Variants in GLIS3 observed in about 807,000 individuals in gnomAD.
GLIS3 encodes GLIS family zinc finger 3.
Under a neutral mutation model 78.6 loss-of-function variants are expected in GLIS3, and 53 were observed. The observed-to-expected ratio is 0.67, with a 90% confidence interval of 0.54 to 0.85. GLIS3 has a LOEUF of 0.85. GLIS3 is among the 40% of genes least tolerant of loss of function. The pLI, the probability that GLIS3 is intolerant of heterozygous loss-of-function variation, is 0.00. For synonymous variants in GLIS3, 684 were observed against 509.9 expected (o/e 1.34, Z -4.60); for missense variants, 1,703 against 1,231.1 (o/e 1.38, Z -5.74).
chr9:4,075,411 CAAAA>C (rs59194808), intron 4 of GLIS3, among the ~76,000 whole-genome samples: 1 of 118,192 alleles, frequency 8.5e-6, no homozygotes, highest in Non-Finnish European at 1.7e-5. Flanking sequence ...ACTAAAAATA[CAAAA>C]AAAAAAAAAA....
chr9:4,156,811 T>C (rs906808844), intron 2 of GLIS3, among the ~76,000 whole-genome samples: 2 of 152,012 alleles, frequency 1.3e-5, no homozygotes, highest in East Asian at 1.9e-4. Flanking sequence ...GGGTATATGA[T>C]AAGAGTGTCT....
At chr9:4,413,043 TTGTC>T in the GLIS3 span, among the ~76,000 whole-genome samples, 1 of 152,196 alleles carries the variant, frequency 6.6e-6, no homozygotes, top group South Asian at 2.1e-4. Context: ...GATTTAGAGT[TTGTC>T]TGTTTCAACA....
intron 2 of GLIS3, among the ~76,000 whole-genome samples, chr9:4,253,228 C>T (rs1410356860): frequency 6.6e-6 from 1 of 152,238 alleles, no homozygotes; most frequent in Non-Finnish European, 1.5e-5. Flanking sequence ...CCCCTTTCCC[C>T]AGGTGCTCTG....
In GLIS3 at chr9:3,824,929, A is replaced by T. The variant is rs544757217; in HGVS notation, c.*3343T>A. ...TTTGCTTCATCTGTTGCAAAAAAAAAAAAAAATAATAACCGCAGAAATTCC... is the reference window on the plus strand; with the variant it reads ...TTTGCTTCATCTGTTGCAAAAAAAATAAAAAATAATAACCGCAGAAATTCC... On this transcript the variant is annotated 3_prime_UTR_variant, in exon 11 of 11. Coordinates refer to ENST00000381971, the MANE Select transcript of GLIS3 (RefSeq NM_001042413.2). The T allele has an allele frequency of 1.7e-3, 182 of 107,686 alleles. No individual in the cohort carries two copies. The highest frequency in any genetic ancestry group is 2.6e-3 in the Non-Finnish European group (124 of 47,932). The allele number at this position is 107,686 out of a possible 1,614,324, so 6.7% of individuals were successfully genotyped here.
chr9:3,856,542 C>T (rs12006096), intron 8 of GLIS3, among the ~76,000 whole-genome samples: 3,489 of 152,252 alleles, frequency 0.023, 159 homozygotes, highest in African/African-American at 0.081. Context: ...AATCTATTTG[C>T]ATTTAAGGGG....
At chr9:3,863,487 A>G (rs1037520823) in intron 8 of GLIS3, among the ~76,000 whole-genome samples, 2 of 152,220 alleles carry the variant, frequency 1.3e-5, no homozygotes, top group African/African-American at 4.8e-5. Context: ...TCTGTCCCCA[A>G]ATAGTCCAAG....
At chr9:4,245,766 G>A (rs1193167422) in intron 2 of GLIS3, among the ~76,000 whole-genome samples, 4 of 152,110 alleles carry the variant, frequency 2.6e-5, no homozygotes, top group Non-Finnish European at 2.9e-5. Context: ...CCATAAATAT[G>A]TAGTTACTAT....
At chr9:3,867,987 G>A (rs1820711702) in intron 8 of GLIS3, among the ~76,000 whole-genome samples, 1 of 152,142 alleles carries the variant, frequency 6.6e-6, no homozygotes, top group South Asian at 2.1e-4. Context: ...CCCCAGAGGG[G>A]ACACTACCAG....
chr9:4,246,368 G>C (rs1396492037), intron 2 of GLIS3, among the ~76,000 whole-genome samples: 2 of 152,228 alleles, frequency 1.3e-5, no homozygotes, highest in Non-Finnish European at 2.9e-5. Flanking sequence ...CCCAGAGGAA[G>C]AAACAGGCCA....
At chr9:4,412,552 G>C in the GLIS3 span, among the ~76,000 whole-genome samples, 1 of 152,164 alleles carries the variant, frequency 6.6e-6, no homozygotes, top group African/African-American at 2.4e-5. Context: ...ATGGATTTCA[G>C]CTTATTCACT....
At chr9:4,422,920 C>G in the GLIS3 span, among the ~76,000 whole-genome samples, 3 of 152,194 alleles carry the variant, frequency 2.0e-5, no homozygotes, top group East Asian at 5.8e-4. Context: ...ACCCAGACTT[C>G]TTAAACAGTG....
chr9:4,185,815 T>C (rs77683525), intron 2 of GLIS3, among the ~76,000 whole-genome samples: 3,786 of 152,088 alleles, frequency 0.025, 170 homozygotes, highest in African/African-American at 0.082. Flanking sequence ...ATTTGGCCTC[T>C]TGCAAGAGTT....
At chr9:4,103,079 A>C (rs758868862) in intron 4 of GLIS3, among the ~76,000 whole-genome samples, 16 of 152,214 alleles carry the variant, frequency 1.1e-4, no homozygotes, top group Non-Finnish European at 2.1e-4. Flanking sequence ...ATTGCCATAG[A>C]CATGAACATC....
intron 2 of GLIS3, among the ~76,000 whole-genome samples, chr9:4,279,229 C>A (rs1411274630): frequency 6.9e-6 from 1 of 144,470 alleles, no homozygotes; most frequent in Middle Eastern, 3.4e-3. Flanking sequence ...ACCCAGGAGG[C>A]AGAGGTTGCA....
chr9:4,118,854 C>A lies in GLIS3; in HGVS notation c.624G>T (p.Ala208=). ...TRSLISRESL[A]STTLSLTESQ... is the part of the protein sequence containing the mutation. The stretch of plus-strand genomic sequence containing the variant: ...TTTCCGTCAGACTCAAGGTCGTGGA[C>A]GCCAAAGACTCACGCGAAATAAGGG... Residue 208 remains alanine, a synonymous_variant, in exon 4 of 11, where the codon GCG becomes GCT. Transcript: ENST00000381971. This position sits in a 1 kb window ranked among gnomAD's most constrained non-coding sequence, Gnocchi z 4.7. The A allele has an allele frequency of 1.9e-6, 3 of 1,602,278 alleles. No homozygotes were observed. Among genetic ancestry groups the A allele is most frequent in the East Asian group, 2.2e-5 (1 of 44,850 alleles).
the GLIS3 span, among the ~76,000 whole-genome samples, chr9:4,358,724 G>C: frequency 5.9e-5 from 9 of 152,160 alleles, no homozygotes; most frequent in Admixed American, 2.6e-4. Context: ...GTGTATGTGT[G>C]CACATATGTG....
chr9:4,024,374 T>C (rs1005521272), intron 4 of GLIS3, among the ~76,000 whole-genome samples: 5 of 152,186 alleles, frequency 3.3e-5, no homozygotes, highest in African/African-American at 7.2e-5. Flanking sequence ...ACTGTGTGGA[T>C]AGAATTTATT....
At chr9:4,139,492 CT>C in intron 2 of GLIS3, among the ~76,000 whole-genome samples, 1 of 152,214 alleles carries the variant, frequency 6.6e-6, no homozygotes, top group Admixed American at 6.5e-5. Context: ...CTCTAAATTA[CT>C]CAACAGACAG....
At chr9:4,154,018 C>T (rs1318935481) in intron 2 of GLIS3, among the ~76,000 whole-genome samples, 2 of 152,190 alleles carry the variant, frequency 1.3e-5, no homozygotes, top group Non-Finnish European at 2.9e-5. Flanking sequence ...CCAGGTGATG[C>T]TGGCTATCAG....
Sources: gnomAD v4.1 joint callset for allele counts (sites outside exome capture counted in the v4.1 genomes callset) on GRCh38, gnomAD v4.1.1 for gene constraint, Gnocchi (gnomAD v3.1) non-coding constraint, MANE v1.5 for transcripts, NCBI Gene and HGNC (gene_info 2026-07-23, HGNC 2026-07-21) for gene names.